The following ASNS variants were observed in gnomAD, a reference collection of about 807,000 sequenced individuals.
The protein encoded by ASNS is asparagine synthetase [glutamine-hydrolyzing].
ASNS carries 37 observed loss-of-function variants against 62.6 expected under a neutral mutation model. The ratio of observed to expected loss-of-function variants is 0.59; its 90% CI spans 0.45 to 0.78. The LOEUF is 0.78. ASNS is among the 30% of genes least tolerant of loss of function. ASNS has a pLI of 0.00. For synonymous variants in ASNS, 207 were observed against 237.9 expected (o/e 0.87, Z 1.19); for missense variants, 520 against 682.4 (o/e 0.76, Z 2.65).
rs558372322 is a variant in ASNS, at chr7:97,862,039, C to A, written c.487+2220G>T. 5.9e-5 allele frequency among the ~76,000 whole-genome samples: 9 copies of A among 152,174 alleles called. No individual in the cohort carries two copies. In the South Asian group the frequency reaches 1.9e-3, roughly 32 times the overall value. ...TATATTCATCTTGTATCCTGCAACCCTGATGAACAGAAGGGATTTGTATCT... is the reference window on the plus strand; with the variant it reads ...TATATTCATCTTGTATCCTGCAACCATGATGAACAGAAGGGATTTGTATCT... On this transcript the variant is annotated intron_variant, in intron 4 of 12. Transcript: ENST00000394308.
At chr7:97,914,389 A>T in the ASNS span, among the ~76,000 whole-genome samples, 1 of 152,286 alleles carries the variant, frequency 6.6e-6, no homozygotes, top group South Asian at 2.1e-4. Flanking sequence ...CTCTCGGAAC[A>T]CTTTATTGGC....
At chr7:97,893,114 C>T in the ASNS span, among the ~76,000 whole-genome samples, 1 of 152,252 alleles carries the variant, frequency 6.6e-6, no homozygotes, top group Non-Finnish European at 1.5e-5. Flanking sequence ...AGGCAAGTCA[C>T]ATCTTACAGG....
At chr7:97,913,613 A>G in the ASNS span, among the ~76,000 whole-genome samples, 1 of 151,942 alleles carries the variant, frequency 6.6e-6, no homozygotes, top group Non-Finnish European at 1.5e-5. Flanking sequence ...ATTAATAGCC[A>G]ATTTTCAGAT....
the ASNS span, among the ~76,000 whole-genome samples, chr7:97,926,044 C>T: frequency 6.9e-6 from 1 of 145,962 alleles, no homozygotes; most frequent in East Asian, 2.1e-4. Context: ...CAATGCCCCC[C>T]ACCCTCCACC....
chr7:97,864,808 T>C (rs765790259), intron 3 of ASNS, among the ~76,000 whole-genome samples: 4 of 152,142 alleles, frequency 2.6e-5, no homozygotes, highest in African/African-American at 4.8e-5. Context: ...ATGTAATACA[T>C]ACATATATTT....
chr7:97,887,451 T>C, the ASNS span, among the ~76,000 whole-genome samples: 1 of 152,354 alleles, frequency 6.6e-6, no homozygotes, highest in African/African-American at 2.4e-5. Context: ...TTCCTCCCAC[T>C]GAAGAATCGG....
the ASNS span, among the ~76,000 whole-genome samples, chr7:97,920,407 G>A: frequency 6.7e-6 from 1 of 149,494 alleles, no homozygotes; most frequent in African/African-American, 2.5e-5. Context: ...ACCCCCCAAT[G>A]CCCCCCGGCC....
In ASNS at chr7:97,861,193, T is replaced by G. The variant is rs180816896; in HGVS notation, c.488-1795A>C. ...CCCGCCACCACGCCCGGCTAATTTT[T>G]AGTAGAGACGGGGTTTCACTGTGTT... On this transcript the variant is annotated intron_variant, in intron 4 of 12. Coordinates refer to ENST00000394308, the MANE Select transcript of ASNS (RefSeq NM_001673.5). 5.8e-3 allele frequency among the ~76,000 whole-genome samples: 887 copies of G among 152,212 alleles called. 9 individuals carry two copies. The highest frequency in any genetic ancestry group is 0.02 in the African/African-American group (837 of 41,536).
chr7:97,882,628 A>C, the ASNS span, among the ~76,000 whole-genome samples: 1 of 113,186 alleles, frequency 8.8e-6, no homozygotes, highest in East Asian at 2.4e-4. Context: ...AGAGAGATTA[A>C]ATAAATAAAT....
In ASNS at chr7:97,869,035, G is replaced by A; in HGVS notation, c.122C>T (p.Thr41Ile). ...CCGGTGAAATCCAAAGCAGCAGTTG[G>A]TGTATCCATTGACATTCTCAAAACG... ...AFRFENVNGY[T>I]NCCFGFHRLA... is the part of the protein sequence containing the mutation. The change falls in exon 3 of 13, where the codon ACC (threonine) becomes ATC (isoleucine). Residue 41 changes from threonine (T) to isoleucine (I), a missense_variant. By Grantham distance (89) the Thr-to-Ile change is moderately conservative. Transcript: ENST00000394308. 3 of 1,614,168 alleles carry A rather than the reference G, an allele frequency of 1.9e-6. No homozygotes were observed. Among genetic ancestry groups the A allele is most frequent in the Non-Finnish European group, 2.5e-6 (3 of 1,180,040 alleles).
upstream of ASNS, among the ~76,000 whole-genome samples, chr7:97,876,476 G>C (rs1483498937): frequency 6.8e-6 from 1 of 147,240 alleles, no homozygotes; most frequent in Non-Finnish European, 1.5e-5. Context: ...TTGCCAGGCT[G>C]GAGTGCAGTG....
upstream of ASNS, among the ~76,000 whole-genome samples, chr7:97,873,686 G>A (rs1023220352): frequency 6.6e-6 from 1 of 152,174 alleles, no homozygotes; most frequent in African/African-American, 2.4e-5. Context: ...CTTCACAACA[G>A]TAGAGAACTG....
chr7:97,916,997 C>T, the ASNS span, among the ~76,000 whole-genome samples: 88 of 152,120 alleles, frequency 5.8e-4, 1 homozygote, highest in South Asian at 0.018. Context: ...TAAAGTGGCC[C>T]GAGAGGATCT....
At chr7:97,868,184 T>C (rs1422005004) in intron 3 of ASNS, among the ~76,000 whole-genome samples, 4 of 152,176 alleles carry the variant, frequency 2.6e-5, no homozygotes, top group Non-Finnish European at 5.9e-5. Context: ...GGCAGGTGCC[T>C]GTAGTCCCAG....
the ASNS span, among the ~76,000 whole-genome samples, chr7:97,901,806 C>T: frequency 4.6e-5 from 7 of 151,796 alleles, no homozygotes; most frequent in Non-Finnish European, 7.4e-5. Context: ...GGTGAAACCC[C>T]GTCTCTACTA....
chr7:97,853,972 G>A (rs1406062379), intron 10 of ASNS, among the ~76,000 whole-genome samples: 1 of 152,162 alleles, frequency 6.6e-6, no homozygotes, highest in Non-Finnish European at 1.5e-5. Flanking sequence ...TCCTTATCTA[G>A]GTGTGATTCA....
At chr7:97,867,031 G>A (rs1277951173) in intron 3 of ASNS, among the ~76,000 whole-genome samples, 2 of 130,752 alleles carry the variant, frequency 1.5e-5, no homozygotes, top group African/African-American at 2.5e-5. Context: ...AAAAGGAGAA[G>A]GGTCCTTTGG....
the ASNS span, chr7:97,913,111 A>C: frequency 6.6e-6 from 1 of 152,082 alleles, no homozygotes; most frequent in African/African-American, 2.4e-5. Context: ...GAGGCTTTGC[A>C]GATACACAGA....
intron 7 of ASNS, among the ~76,000 whole-genome samples, chr7:97,857,599 T>C (rs1434194370): frequency 7.1e-6 from 1 of 141,232 alleles, no homozygotes; most frequent in Non-Finnish European, 1.5e-5. Context: ...TTAGCCATGA[T>C]ACTATGCCTT....
Sources: allele counts gnomAD v4.1 joint callset (sites outside exome capture counted in the v4.1 genomes callset), GRCh38; gene constraint gnomAD v4.1.1; transcripts MANE v1.5; gene names NCBI Gene and HGNC (gene_info 2026-07-23, HGNC 2026-07-21).